The following DOCK4 variants were observed in gnomAD, a reference collection of about 807,000 sequenced individuals.
DOCK4 encodes the protein dedicator of cytokinesis protein 4.
Under a neutral mutation model 268.1 loss-of-function variants are expected in DOCK4, and 97 were observed. The observed-to-expected ratio is 0.36, with a 90% CI of 0.31 to 0.43. The LOEUF (loss-of-function observed/expected upper bound fraction) is 0.43. DOCK4 is among the 20% of genes least tolerant of loss of function. The probability of loss-of-function intolerance (pLI) is 1.00; values close to 1 mark genes in which losing one functional copy is unlikely to be tolerated. For missense variants in DOCK4, 2,145 were observed against 2,455.7 expected (o/e 0.87, Z 2.67); for synonymous variants, 954 against 887.2 (o/e 1.08, Z -1.34).
At chr7:111,916,204 T>C (rs2134535337) in intron 12 of DOCK4, among the ~76,000 whole-genome samples, 1 of 152,222 alleles carries the variant, frequency 6.6e-6, no homozygotes, top group Admixed American at 6.5e-5. Context: ...GTGGAGCACG[T>C]TCCTGCGCCA....
intron 1 of DOCK4, among the ~76,000 whole-genome samples, chr7:112,178,870 T>C (rs1818750387): frequency 1.3e-5 from 2 of 152,102 alleles, no homozygotes; most frequent in Non-Finnish European, 2.9e-5. Flanking sequence ...GGCTGCCAAA[T>C]CAGAAGGTTT....
rs568205409 is a variant in DOCK4, at chr7:111,883,928, G to A, written c.1588-6742C>T. Among the ~76,000 whole-genome samples the A allele has an allele frequency of 5.2e-3, 573 of 109,892 alleles. 1 individual carries two copies. The highest frequency in any genetic ancestry group is 0.012 in the Admixed American group (139 of 11,192). The allele number at this position is 109,892 out of a possible 152,430, so 72.1% of individuals were successfully genotyped here. A position where few individuals can be genotyped will look rare whatever the true frequency, so the allele number is the denominator to read the frequency against. ...AAGTTATTTCAAGAGCTTTCAGCAA[G>A]AACACTGGGGTGTGTGTAAGAGAGA... On this transcript the variant is annotated intron_variant, in intron 16 of 52. Coordinates refer to ENST00000428084, the MANE Select transcript of DOCK4 (RefSeq NM_001363540.2).
intron 27 of DOCK4, chr7:111,820,226 C>G (rs1219641856): frequency 6.6e-6 from 1 of 152,218 alleles, no homozygotes; most frequent in East Asian, 1.9e-4. Flanking sequence ...CAAGAACATA[C>G]AGCAGACTGG....
chr7:111,854,665 A>T (rs1804855868), intron 23 of DOCK4, among the ~76,000 whole-genome samples: 1 of 152,176 alleles, frequency 6.6e-6, no homozygotes, highest in Admixed American at 6.5e-5. Context: ...TACAGGCGTG[A>T]GCGACCGCAC....
intron 1 of DOCK4, among the ~76,000 whole-genome samples, chr7:112,142,768 T>C (rs1348073817): frequency 6.6e-6 from 1 of 152,158 alleles, no homozygotes; most frequent in Admixed American, 6.6e-5. Flanking sequence ...CTACTTCACA[T>C]GCATACATAG....
rs1261221028 is a variant in DOCK4, at chr7:111,933,277, TAC to T, written c.1066+2261_1066+2262del. On this transcript the variant is annotated intron_variant, in intron 12 of 52. Coordinates refer to ENST00000428084, the MANE Select transcript of DOCK4 (RefSeq NM_001363540.2). ...ATATACTTATATATATATACATATATACATATATATATATATATATATTTTTT... is the reference window on the plus strand; with the variant it reads ...ATATACTTATATATATATACATATATATATATATATATATATATATTTTTT... Among the ~76,000 whole-genome samples, 920 of 129,620 alleles carry T rather than the reference TAC, an allele frequency of 7.1e-3. 27 individuals are homozygous for T. Among genetic ancestry groups the T allele is most frequent in the Non-Finnish European group, 0.012 (760 of 63,270 alleles). The allele number at this position is 129,620 out of a possible 152,430, so 85.0% of individuals were successfully genotyped here.
chr7:111,974,510 G>GTA (rs1157053453), intron 8 of DOCK4, among the ~76,000 whole-genome samples: 33 of 146,180 alleles, frequency 2.3e-4, no homozygotes, highest in African/African-American at 7.7e-4. Context: ...GTGTGTGTGT[G>GTA]TGTGTGTGTG....
intron 1 of DOCK4, among the ~76,000 whole-genome samples, chr7:112,023,241 T>C (rs948770730): frequency 6.6e-6 from 1 of 152,222 alleles, no homozygotes; most frequent in Non-Finnish European, 1.5e-5. Context: ...AAGCCTTTTC[T>C]ACGTATCCTT....
At chr7:112,121,952 A>G (rs1812769683) in intron 1 of DOCK4, among the ~76,000 whole-genome samples, 1 of 152,204 alleles carries the variant, frequency 6.6e-6, no homozygotes, top group Non-Finnish European at 1.5e-5. Context: ...CAATTTCTCC[A>G]GTCACTTCTA....
chr7:111,815,595 T>C (rs1356211785), intron 27 of DOCK4, among the ~76,000 whole-genome samples: 1 of 151,866 alleles, frequency 6.6e-6, no homozygotes, highest in Non-Finnish European at 1.5e-5. Flanking sequence ...TACTGATTTA[T>C]TTATTCATTT....
intron 30 of DOCK4, among the ~76,000 whole-genome samples, chr7:111,806,728 G>C (rs1800704058): frequency 6.6e-6 from 1 of 152,162 alleles, no homozygotes; most frequent in Admixed American, 6.5e-5. Flanking sequence ...CCCAATCCCA[G>C]AGATTGTGTT....
chr7:111,847,171 C>T (rs185703406), intron 23 of DOCK4, 45 bp from the exon 24 acceptor site: 82 of 1,609,314 alleles, frequency 5.1e-5, no homozygotes, highest in Middle Eastern at 3.3e-4. Context: ...TGGAGTCCCA[C>T]GCAATACCTA....
chr7:111,809,454 G>A, intron 28 of DOCK4, 53 bp from the exon 29 acceptor site: 3 of 1,426,964 alleles, frequency 2.1e-6, no homozygotes, highest in Non-Finnish European at 2.9e-6. Context: ...CATATTGACA[G>A]GTGAAGTGAC....
chr7:111,917,151 C>T (rs1468942864), intron 12 of DOCK4, among the ~76,000 whole-genome samples: 5 of 152,016 alleles, frequency 3.3e-5, no homozygotes, highest in South Asian at 4.2e-4. Context: ...TCACACCCAG[C>T]TAATTTTTGT....
chr7:111,972,832 T>A (rs74947427), intron 8 of DOCK4, among the ~76,000 whole-genome samples: 224 of 152,130 alleles, frequency 1.5e-3, no homozygotes, highest in African/African-American at 4.9e-3. Context: ...ATTTTTTTTT[T>A]AATTTTTTAC....
intron 27 of DOCK4, among the ~76,000 whole-genome samples, chr7:111,814,171 G>A (rs1219493648): frequency 6.6e-6 from 1 of 152,108 alleles, no homozygotes; most frequent in Non-Finnish European, 1.5e-5. Context: ...AATCTTCCAA[G>A]GGAGAGAGAA....
Position 111,777,594 on chromosome 7 carries a change from A to G in DOCK4, c.3679+682T>C, listed in dbSNP as rs150944161. ...CAGTGGGGAGGATAATGAGACCTAT[A>G]TAGTTGTAAAATTCCCACATTTAAC... is the stretch of plus-strand genomic sequence containing the variant. On this transcript the variant is annotated intron_variant, in intron 36 of 52. Transcript: ENST00000428084. Among the ~76,000 whole-genome samples, 4 of 152,330 alleles carry G rather than the reference A, an allele frequency of 2.6e-5. No homozygotes were observed. In the East Asian group the frequency reaches 7.7e-4, roughly 29 times the overall value.
rs545347051 is a variant in DOCK4 at position 112,134,954 on chromosome 7, T to G, written c.37+71148A>C. On this transcript the variant is annotated intron_variant, in intron 1 of 52. Transcript: ENST00000428084. ...AATTTCCTTAACCAGTATTCACCTA[T>G]GATTGCTATAAAATTTATTTCACCA... Among the ~76,000 whole-genome samples the G allele has an allele frequency of 3.0e-4, 45 of 152,324 alleles. 1 individual carries two copies. Among genetic ancestry groups the G allele is most frequent in the Non-Finnish European group, 5.7e-4 (39 of 68,026 alleles).
intron 1 of DOCK4, among the ~76,000 whole-genome samples, chr7:112,142,450 C>G (rs1353363653): frequency 2.0e-5 from 3 of 152,198 alleles, no homozygotes; most frequent in South Asian, 4.2e-4. Flanking sequence ...TCAACTGAAG[C>G]CTTACTCCTT....
Sources: gnomAD v4.1 joint callset for allele counts (sites outside exome capture counted in the v4.1 genomes callset) on GRCh38, gnomAD v4.1.1 for gene constraint, MANE v1.5 for transcripts, NCBI Gene and HGNC (gene_info 2026-07-23, HGNC 2026-07-21) for gene names.